The following GABARAPL1 variants were observed in gnomAD, a reference collection of about 807,000 sequenced individuals.
The protein encoded by GABARAPL1 is gamma-aminobutyric acid receptor-associated protein-like 1.
A neutral mutation model predicts 14.5 loss-of-function variants in GABARAPL1; 4 were observed. The observed-to-expected ratio is 0.28, with a 90% CI of 0.14 to 0.63. GABARAPL1 has a LOEUF of 0.63. GABARAPL1 is among the 30% of genes least tolerant of loss of function. The probability of loss-of-function intolerance (pLI) is 0.84; values close to 1 mark genes in which losing one functional copy is unlikely to be tolerated. For synonymous variants in GABARAPL1, 47 were observed against 50.6 expected, an observed-to-expected ratio of 0.93 and a Z score of 0.30; for missense variants, 82 against 139.2, an observed-to-expected ratio of 0.59 and a Z score of 2.07.
chr12:10,220,006 T>G (rs1383915163), intron 2 of GABARAPL1, among the ~76,000 whole-genome samples: 2 of 152,206 alleles, frequency 1.3e-5, no homozygotes, highest in African/African-American at 2.4e-5. Flanking sequence ...GGTGACTGAC[T>G]GTGCTAAGAT....
chr12:10,213,305 C>T, intron 1 of GABARAPL1, 86 bp downstream of exon 1: 2 of 822,902 alleles, frequency 2.4e-6, no homozygotes, highest in South Asian at 1.4e-5. Flanking sequence ...CTGGGGCGCC[C>T]AGGCGGCTCT....
At chr12:10,221,432 C>G in intron 3 of GABARAPL1, 1 of 948,750 alleles carries the variant, frequency 1.1e-6, no homozygotes, top group African/African-American at 1.8e-5. Context: ...TCTAATAATC[C>G]TGAATCTTTT....
intron 3 of GABARAPL1, 21 bp downstream of exon 3, chr12:10,220,579 A>C: frequency 6.2e-7 from 1 of 1,614,022 alleles, no homozygotes; most frequent in Non-Finnish European, 8.5e-7. Flanking sequence ...TGGTTGCACA[A>C]TACTGGATGC....
rs553684773 is a variant in GABARAPL1, at chr12:10,222,250, G to A, written c.*398G>A. Reference sequence around the variant, plus strand: ...CTCTTTGGGCAGAGATTCTATTTTTGACATTTGCACAAGACAGGTAGGGAA... The same window carrying A: ...CTCTTTGGGCAGAGATTCTATTTTTAACATTTGCACAAGACAGGTAGGGAA... On this transcript the variant is annotated 3_prime_UTR_variant, in exon 4 of 4. Coordinates refer to ENST00000266458, the MANE Select transcript of GABARAPL1 (RefSeq NM_031412.4). 11 of 207,456 alleles carry A rather than the reference G, an allele frequency of 5.3e-5. No individual in the cohort carries two copies. The East Asian group carries it at 1.2e-3, about 23-fold the overall frequency. The allele number at this position is 207,456 out of a possible 1,614,324, so 12.9% of individuals were successfully genotyped here. A position where few individuals can be genotyped will look rare whatever the true frequency, so the allele number is the denominator to read the frequency against.
chr12:10,216,572 T>C (rs1296644138), intron 1 of GABARAPL1, among the ~76,000 whole-genome samples: 1 of 147,494 alleles, frequency 6.8e-6, no homozygotes, highest in Non-Finnish European at 1.5e-5. Flanking sequence ...CGAGTTTTGC[T>C]CTTGTTGCCC....
intron 3 of GABARAPL1, chr12:10,221,258 T>G: frequency 1.0e-6 from 1 of 975,090 alleles, no homozygotes; most frequent in Non-Finnish European, 1.2e-6. Context: ...GGAATAATTT[T>G]TATGTGATGT....
chr12:10,219,284 A>G (rs1462170349), intron 2 of GABARAPL1, among the ~76,000 whole-genome samples: 7 of 150,018 alleles, frequency 4.7e-5, no homozygotes, highest in South Asian at 4.2e-4. Context: ...GCACCACTGC[A>G]CTCCAGGCTG....
intron 1 of GABARAPL1, among the ~76,000 whole-genome samples, chr12:10,215,168 A>C (rs1228316087): frequency 1.3e-5 from 2 of 152,124 alleles, no homozygotes; most frequent in African/African-American, 4.8e-5. Flanking sequence ...GCTGTGCTAG[A>C]GTGTCTTGTT....
At chr12:10,218,215 T>C in intron 2 of GABARAPL1, 74 bp downstream of exon 2, 1 of 867,134 alleles carries the variant, frequency 1.2e-6, no homozygotes, top group Non-Finnish European at 2.0e-6. Flanking sequence ...TGCATGAGAT[T>C]GTGAGATTGA....
chr12:10,214,658 C>G (rs577036890), intron 1 of GABARAPL1: 1 of 152,264 alleles, frequency 6.6e-6, no homozygotes, highest in African/African-American at 2.4e-5. Flanking sequence ...ACACGATTAC[C>G]CGTTCTACAG....
intron 1 of GABARAPL1, among the ~76,000 whole-genome samples, chr12:10,216,227 C>T (rs373877746): frequency 2.0e-4 from 31 of 151,928 alleles, no homozygotes; most frequent in South Asian, 6.2e-4. Context: ...AAAAATTAGC[C>T]GGGCGTGGTG....
Position 10,213,167 on chromosome 12 carries a change from A to G in GABARAPL1, c.38A>G (p.Tyr13Cys). Residue 13 changes from tyrosine to cysteine, a missense_variant, in exon 1 of 4, where the codon TAT becomes TGT. Around this residue, in one of 3 missense-constraint regions of GABARAPL1, gnomAD observed 16 missense variants for 18.0 expected, o/e 0.89. Transcript: ENST00000266458. ...TACAAGGAGGACCATCCCTTTGAGT[A>G]TCGGAAAAAGGAAGGAGAAAAGATC... ...FQYKEDHPFE[Y>C]RKKEGEKIRK... 6.3e-7 allele frequency: 1 copy of G among 1,588,096 alleles called. No homozygotes were observed. The highest frequency in any genetic ancestry group is 8.6e-7 in the Non-Finnish European group (1 of 1,167,298).
intron 2 of GABARAPL1, among the ~76,000 whole-genome samples, chr12:10,219,710 G>T (rs1424680663): frequency 1.3e-5 from 2 of 152,162 alleles, no homozygotes; most frequent in Non-Finnish European, 2.9e-5. Flanking sequence ...TGAGGCAGGA[G>T]AATTGCTTGA....
Position 10,213,746 on chromosome 12 carries a change from T to C in GABARAPL1, c.90+527T>C, listed in dbSNP as rs907337328. ...AAGCTATTCAGTAATTTTCTTGCAT[T>C]ACAGGGGGTTAGGGGAGCACAAGAC... On this transcript the variant is annotated intron_variant, in intron 1 of 3. Transcript: ENST00000266458. 8 of 409,776 alleles carry C rather than the reference T, an allele frequency of 2.0e-5. 1 individual carries two copies. Among genetic ancestry groups the C allele is most frequent in the African/African-American group, 1.7e-4 (8 of 47,912 alleles). 25.4% of individuals were successfully genotyped at this position (409,776 alleles called of 1,614,324 possible).
intron 1 of GABARAPL1, among the ~76,000 whole-genome samples, chr12:10,216,537 C>CTTTTTTTTTTTTT (rs71049067): frequency 1.8e-5 from 2 of 112,216 alleles, no homozygotes; most frequent in Non-Finnish European, 3.6e-5. Flanking sequence ...ATTTTCTTTT[C>CTTTTTTTTTTTTT]TTTTTTTTTT....
intron 3 of GABARAPL1, 47 bp downstream of exon 3, chr12:10,220,605 G>A: frequency 6.2e-7 from 1 of 1,613,428 alleles, no homozygotes; most frequent in Non-Finnish European, 8.5e-7. Flanking sequence ...AGTGCAGTCT[G>A]GCATCCTCTA....
At chr12:10,218,521 C>T (rs969449776) in intron 2 of GABARAPL1, among the ~76,000 whole-genome samples, 6 of 151,882 alleles carry the variant, frequency 4.0e-5, no homozygotes, top group East Asian at 2.0e-4. Flanking sequence ...TGCAGTGAGC[C>T]GAGATCATGC....
At chr12:10,218,311 C>T (rs5003527) in intron 2 of GABARAPL1, among the ~76,000 whole-genome samples, 170 bp downstream of exon 2, 5 of 152,178 alleles carry the variant, frequency 3.3e-5, no homozygotes, top group South Asian at 4.1e-4. Flanking sequence ...CCCTGGCTCA[C>T]GCCTGTAATC....
chr12:10,219,833 C>A (rs761706514), intron 2 of GABARAPL1, among the ~76,000 whole-genome samples: 7 of 152,040 alleles, frequency 4.6e-5, no homozygotes, highest in Non-Finnish European at 8.8e-5. Flanking sequence ...ATTCAGTCTT[C>A]ATCGTGATCC....
Sources: gnomAD v4.1 joint callset for allele counts (sites outside exome capture counted in the v4.1 genomes callset) on GRCh38, gnomAD v4.1.1 for gene constraint, gnomAD v4.1.1 regional missense constraint, MANE v1.5 for transcripts, NCBI Gene and HGNC (gene_info 2026-07-23, HGNC 2026-07-21) for gene names.